ATP10D: variants seen among roughly 807,000 people sequenced by gnomAD.
ATP10D encodes the protein phospholipid-transporting ATPase VD.
A neutral mutation model predicts 144.8 loss-of-function variants in ATP10D; 89 were observed. The observed-to-expected ratio is 0.61, with a 90% confidence interval of 0.52 to 0.73. The LOEUF is 0.73. Among genes scored for constraint, ATP10D ranks in the 30% least tolerant of loss-of-function variants. ATP10D has a pLI of 0.00. For missense variants in ATP10D, 1,603 were observed against 1,714.8 expected (o/e 0.93, Z 1.15); for synonymous variants, 571 against 615.1 (o/e 0.93, Z 1.06).
intron 18 of ATP10D, among the ~76,000 whole-genome samples, chr4:47,576,455 T>C (rs1720249286): frequency 6.6e-6 from 1 of 152,230 alleles, no homozygotes; most frequent in Admixed American, 6.5e-5. Context: ...TTACACTTAA[T>C]TTCCTGACCT....
intron 18 of ATP10D, among the ~76,000 whole-genome samples, chr4:47,575,890 A>G (rs1453726890): frequency 1.3e-5 from 2 of 151,018 alleles, no homozygotes; most frequent in African/African-American, 4.9e-5. Context: ...CCTTACATAA[A>G]AAGAGATGAG....
In ATP10D at chr4:47,573,061, A is replaced by T. The variant is rs548563995; in HGVS notation, c.3366+64A>T. On this transcript the variant is annotated intron_variant, in intron 18 of 22. Transcript: ENST00000273859. ...ACCTTCCAAGACTGTTGCATCAGGG[A>T]TGAAGACGAAGTGTCCTATGCTAAG... The T allele has an allele frequency of 8.3e-6, 13 of 1,570,726 alleles. 1 individual carries two copies. The South Asian group carries it at 1.1e-4, about 14-fold the overall frequency.
At chr4:47,575,872 CATT>C (rs1720201849) in intron 18 of ATP10D, among the ~76,000 whole-genome samples, 1 of 148,050 alleles carries the variant, frequency 6.8e-6, no homozygotes, top group Non-Finnish European at 1.5e-5. Flanking sequence ...GTAGATTTCT[CATT>C]ATATCCTTAC....
chr4:47,499,138 G>A (rs1229225107), intron 1 of ATP10D, among the ~76,000 whole-genome samples: 1 of 152,140 alleles, frequency 6.6e-6, no homozygotes, highest in African/African-American at 2.4e-5. Flanking sequence ...TTTGTCTTAT[G>A]GGAATTAATC....
At chr4:47,590,150 A>G (rs563588440) in intron 22 of ATP10D, among the ~76,000 whole-genome samples, 1 of 152,256 alleles carries the variant, frequency 6.6e-6, no homozygotes, top group South Asian at 2.1e-4. Flanking sequence ...ATTGTGTTCT[A>G]CAGTAATATG....
At chr4:47,511,245 C>A (rs773138368) in intron 1 of ATP10D, among the ~76,000 whole-genome samples, 1 of 152,056 alleles carries the variant, frequency 6.6e-6, no homozygotes, top group Non-Finnish European at 1.5e-5. Flanking sequence ...ATTTAGTTAT[C>A]TATAAATAAA....
intron 3 of ATP10D, among the ~76,000 whole-genome samples, chr4:47,522,227 AC>A (rs1716980456): frequency 6.6e-6 from 1 of 152,124 alleles, no homozygotes; most frequent in African/African-American, 2.4e-5. Context: ...TACTATACAA[AC>A]GTCCTCATTC....
intron 22 of ATP10D, 79 bp from the exon 23 acceptor site, chr4:47,590,963 A>G: frequency 1.8e-6 from 2 of 1,094,304 alleles, no homozygotes; most frequent in Non-Finnish European, 2.5e-6. Context: ...TACTTTTTTA[A>G]TTCGTTAGTA....
chr4:47,577,010 AT>A lies in ATP10D; in HGVS notation c.3567+38del, dbSNP rs764902058. On this transcript the variant is annotated intron_variant, in intron 19 of 22. Coordinates refer to ENST00000273859, the MANE Select transcript of ATP10D (RefSeq NM_020453.4). ...AGCAAGAGTGCTTGGATGGATGCAT[AT>A]CCATTGTCAAAGCCAGTGTGTTTTC... 20 of 1,580,610 alleles carry A rather than the reference AT, an allele frequency of 1.3e-5. No homozygotes were observed. The African/African-American group carries it at 2.7e-4, about 21-fold the overall frequency.
chr4:47,520,187 T>C (rs546326175), intron 3 of ATP10D, among the ~76,000 whole-genome samples: 1 of 152,312 alleles, frequency 6.6e-6, no homozygotes, highest in African/African-American at 2.4e-5. Flanking sequence ...TCAGCAAATT[T>C]CCTCCTGGCT....
chr4:47,496,290 T>C (rs754757850), intron 1 of ATP10D, among the ~76,000 whole-genome samples: 2 of 151,600 alleles, frequency 1.3e-5, no homozygotes, highest in African/African-American at 2.4e-5. Flanking sequence ...CCGGAGTAGC[T>C]GGGATTACAG....
At chr4:47,575,587 CT>C (rs567811869) in intron 18 of ATP10D, among the ~76,000 whole-genome samples, 400 of 152,332 alleles carry the variant, frequency 2.6e-3, no homozygotes, top group African/African-American at 9.2e-3. Context: ...GCTGTGCCTA[CT>C]CCATGTCTGT....
rs1721019935 is a variant in ATP10D, at chr4:47,591,111, A to G, written c.4011A>G (p.Arg1337=). The G allele has an allele frequency of 1.9e-6, 3 of 1,613,336 alleles. No individual in the cohort carries two copies. The highest frequency in any genetic ancestry group is 2.5e-6 in the Non-Finnish European group (3 of 1,179,504). ...SPILRAKHFD[R]LTPEERTKAL... ...TTCTGAGAGCTAAGCACTTTGACAGACTAACTCCAGAGGAGAGGACTAAAG... is the reference window on the plus strand; with the variant it reads ...TTCTGAGAGCTAAGCACTTTGACAGGCTAACTCCAGAGGAGAGGACTAAAG... Residue 1337 remains arginine, a synonymous_variant, in exon 23 of 23, where the codon AGA becomes AGG. Transcript: ENST00000273859.
chr4:47,570,255 C>G (rs148889792), intron 16 of ATP10D, among the ~76,000 whole-genome samples: 174 of 152,242 alleles, frequency 1.1e-3, no homozygotes, highest in African/African-American at 4.0e-3. Context: ...GAGACATTTG[C>G]TGGCATATTG....
intron 9 of ATP10D, among the ~76,000 whole-genome samples, chr4:47,543,155 ATTAG>A (rs1290374665): frequency 1.3e-5 from 2 of 152,116 alleles, no homozygotes; most frequent in Non-Finnish European, 2.9e-5. Context: ...CTATTTTATT[ATTAG>A]TTATTGTTGT....
intron 22 of ATP10D, among the ~76,000 whole-genome samples, chr4:47,590,019 A>C (rs773287641): frequency 6.6e-6 from 1 of 152,158 alleles, no homozygotes; most frequent in African/African-American, 2.4e-5. Context: ...CATCATACAC[A>C]GAAAGTTGCT....
intron 21 of ATP10D, chr4:47,582,762 C>G (rs996246120): frequency 2.0e-5 from 3 of 152,144 alleles, no homozygotes; most frequent in Non-Finnish European, 4.4e-5. Context: ...ATAATTTCCC[C>G]CAACAGCCTT....
chr4:47,560,021 A>C (rs1003566441), intron 13 of ATP10D, among the ~76,000 whole-genome samples: 4 of 151,978 alleles, frequency 2.6e-5, no homozygotes, highest in Non-Finnish European at 5.9e-5. Flanking sequence ...AAAACCAAAA[A>C]CAAAAAGCCT....
rs1431505166 is a variant in ATP10D, at chr4:47,535,901, G to A, written c.884-1G>A. 3.1e-6 allele frequency: 5 copies of A among 1,610,232 alleles called. No individual in the cohort carries two copies. The highest frequency in any genetic ancestry group is 4.2e-6 in the Non-Finnish European group (5 of 1,178,590). On this transcript the variant is annotated splice_acceptor_variant, in intron 6 of 22. Transcript: ENST00000273859. LOFTEE classifies it high-confidence loss of function. ...TCTATCATACTGCACATCCTTCATA[G>A]GCCATGAAACCAAAGCAATGCTGAA...
Sources: gnomAD v4.1 joint callset for allele counts (sites outside exome capture counted in the v4.1 genomes callset) on GRCh38, gnomAD v4.1.1 for gene constraint, MANE v1.5 for transcripts, NCBI Gene and HGNC (gene_info 2026-07-23, HGNC 2026-07-21) for gene names.